ASB15: variants seen among roughly 807,000 people sequenced by gnomAD.
The protein encoded by ASB15 is ankyrin repeat and SOCS box protein 15.
ASB15 carries 54 observed loss-of-function variants against 58.0 expected under a neutral mutation model. The observed-to-expected ratio is 0.93, with a 90% CI of 0.75 to 1.17. The LOEUF is 1.17. ASB15 is among the 50% of genes most tolerant of loss of function. The pLI, the probability that ASB15 is intolerant of heterozygous loss-of-function variation, is 0.00. For synonymous variants in ASB15, 249 were observed against 262.4 expected, an observed-to-expected ratio of 0.95 and a Z score of 0.50; for missense variants, 680 against 707.4, an observed-to-expected ratio of 0.96 and a Z score of 0.44.
chr7:123,608,691 A>G (rs1350677197), intron 3 of ASB15, 37 bp downstream of exon 3: 2 of 152,334 alleles, frequency 1.3e-5, no homozygotes, highest in African/African-American at 4.8e-5. Flanking sequence ...GGTAAAACCC[A>G]ATTCTGACAG....
intron 1 of ASB15, chr7:123,585,076 A>G (rs538541175): frequency 6.6e-6 from 1 of 151,874 alleles, no homozygotes; most frequent in South Asian, 2.1e-4. Context: ...TCCCAAATAA[A>G]AATAATGTGA....
chr7:123,570,065 G>T (rs942646060), intron 1 of ASB15, among the ~76,000 whole-genome samples: 1 of 132,042 alleles, frequency 7.6e-6, no homozygotes, highest in Non-Finnish European at 1.6e-5. Flanking sequence ...GACGGAGTCT[G>T]GCTCTGTTGC....
chr7:123,583,027 C>T (rs965552950), intron 1 of ASB15, among the ~76,000 whole-genome samples: 1 of 151,944 alleles, frequency 6.6e-6, no homozygotes, highest in Admixed American at 6.6e-5. Context: ...TGGCAAGCAT[C>T]ACAAACAAAT....
chr7:123,611,099 A>G (rs903933439), intron 3 of ASB15, among the ~76,000 whole-genome samples: 2,646 of 151,244 alleles, frequency 0.017, 80 homozygotes, highest in African/African-American at 0.057. Context: ...AAAAAAAAAA[A>G]AAAAAGAAAA....
upstream of ASB15, among the ~76,000 whole-genome samples, chr7:123,600,617 G>A (rs996557429): frequency 1.3e-5 from 2 of 152,130 alleles, no homozygotes; most frequent in African/African-American, 4.8e-5. Context: ...GACAATGTAT[G>A]CAATGATCTA....
Position 123,639,422 on chromosome 7 carries a change from C to G in ASB15, c.*2441C>G, listed in dbSNP as rs1450988147. On this transcript the variant is annotated 3_prime_UTR_variant, in exon 12 of 12. Coordinates refer to ENST00000451215, the MANE Select transcript of ASB15 (RefSeq NM_001290258.2). ...AATATTACTCTAATGAATAAAAAAT[C>G]ATATTGAGGTTATAAGTCTGCTTTA... 4 of 152,112 alleles carry G rather than the reference C, an allele frequency of 2.6e-5. No individual in the cohort carries two copies. The allele number at this position is 152,112 out of a possible 1,614,324, so 9.4% of individuals were successfully genotyped here.
In ASB15 at chr7:123,602,200, A is replaced by G. The variant is rs374975551; in HGVS notation, c.-245+286A>G. 1.0e-3 allele frequency among the ~76,000 whole-genome samples: 152 copies of G among 152,252 alleles called. 2 individuals carry two copies. In the South Asian group the frequency reaches 0.024, roughly 24 times the overall value. On this transcript the variant is annotated intron_variant, in intron 1 of 11. Transcript: ENST00000451215. ...ATGAGTATCCTTATAGAACATGTCA[A>G]TATATTTACTATAGAATCCCAGAAG...
chr7:123,592,962 G>A (rs1562915639), intron 1 of ASB15, among the ~76,000 whole-genome samples: 1 of 151,734 alleles, frequency 6.6e-6, no homozygotes, highest in Non-Finnish European at 1.5e-5. Flanking sequence ...TCCTGTATTG[G>A]GTGCATATAT....
At chr7:123,593,367 C>T (rs1013342404) in intron 1 of ASB15, among the ~76,000 whole-genome samples, 3 of 152,134 alleles carry the variant, frequency 2.0e-5, no homozygotes, top group Middle Eastern at 3.4e-3. Flanking sequence ...TTCACAGCCT[C>T]GATGGTCTTT....
chr7:123,568,028 T>C (rs1798806377), intron 1 of ASB15, among the ~76,000 whole-genome samples: 2 of 152,178 alleles, frequency 1.3e-5, no homozygotes, highest in South Asian at 2.1e-4. Flanking sequence ...TTTTCAGATA[T>C]GTTGATTTTC....
chr7:123,573,046 T>C (rs1305287787), intron 1 of ASB15, among the ~76,000 whole-genome samples: 1 of 152,152 alleles, frequency 6.6e-6, no homozygotes, highest in Non-Finnish European at 1.5e-5. Flanking sequence ...TCAGTAAATT[T>C]TTAGCTTCTT....
chr7:123,611,457 A>T (rs974455816), intron 3 of ASB15, among the ~76,000 whole-genome samples: 5 of 145,096 alleles, frequency 3.4e-5, no homozygotes, highest in African/African-American at 1.2e-4. Context: ...ACCGTACCTA[A>T]TTTTTTTTGT....
At chr7:123,575,164 T>C (rs1799030670) in intron 1 of ASB15, among the ~76,000 whole-genome samples, 1 of 152,030 alleles carries the variant, frequency 6.6e-6, no homozygotes, top group South Asian at 2.1e-4. Context: ...GTATTTTTAA[T>C]TTAAGGATTA....
At chr7:123,634,650 G>C (rs1274330607) in intron 11 of ASB15, among the ~76,000 whole-genome samples, 1 of 152,092 alleles carries the variant, frequency 6.6e-6, no homozygotes, top group East Asian at 1.9e-4. Flanking sequence ...CATTTATTCT[G>C]CTTTACATAT....
Position 123,636,838 on chromosome 7 carries a change from C to A in ASB15, c.1624C>A (p.Arg542=). 1 of 1,608,880 alleles carries A rather than the reference C, an allele frequency of 6.2e-7. No individual in the cohort carries two copies. ...TCCTTGTTCATTGAAGCATTTGTGT[C>A]GGTTAAAAATTCGAAGGCTTATGGG... ...ENPCSLKHLC[R]LKIRRLMGLQ... The change falls in exon 12 of 12, where the codon CGG becomes AGG. Residue 542 remains arginine, a synonymous_variant. Coordinates refer to ENST00000451215, the MANE Select transcript of ASB15 (RefSeq NM_001290258.2).
chr7:123,622,307 A>G (rs1295863312), intron 7 of ASB15, among the ~76,000 whole-genome samples: 3 of 152,062 alleles, frequency 2.0e-5, no homozygotes, highest in Non-Finnish European at 2.9e-5. Flanking sequence ...CATATATATA[A>G]TCCACATGTA....
chr7:123,603,901 C>T (rs1562921822), intron 1 of ASB15, 131 bp from the exon 2 acceptor site: 1 of 152,094 alleles, frequency 6.6e-6, no homozygotes, highest in Non-Finnish European at 1.5e-5. Context: ...ACTAAATTAA[C>T]AGATGTATAG....
intron 1 of ASB15, among the ~76,000 whole-genome samples, chr7:123,573,649 A>T (rs73222289): frequency 0.22 from 33,955 of 151,878 alleles, 4,309 homozygotes; most frequent in East Asian, 0.26. Flanking sequence ...TTTCTTGAGG[A>T]GGGAGTCTGA....
At chr7:123,573,936 T>C (rs1195314125) in intron 1 of ASB15, among the ~76,000 whole-genome samples, 2 of 152,068 alleles carry the variant, frequency 1.3e-5, no homozygotes, top group Non-Finnish European at 2.9e-5. Flanking sequence ...GGGACAAAAA[T>C]TACAAATTTA....
Sources: gnomAD v4.1 joint callset for allele counts (sites outside exome capture counted in the v4.1 genomes callset) on GRCh38, gnomAD v4.1.1 for gene constraint, MANE v1.5 for transcripts, NCBI Gene and HGNC (gene_info 2026-07-23, HGNC 2026-07-21) for gene names.